The following C2CD3 variants were observed in gnomAD, a reference collection of about 807,000 sequenced individuals.
C2CD3 encodes the protein C2 domain containing 3 centriole elongation regulator, also known as C2 domain-containing protein 3.
In C2CD3, 148 loss-of-function variants were observed where a neutral mutation model predicts 234.0. The observed-to-expected ratio is 0.63, with a 90% confidence interval of 0.55 to 0.72. The LOEUF (loss-of-function observed/expected upper bound fraction) is 0.72. Ranked by LOEUF, C2CD3 falls within the 30% of genes least tolerant of loss-of-function variation. The pLI is 0.00. For missense variants in C2CD3, 2,577 were observed against 2,811.5 expected, an observed-to-expected ratio of 0.92 and a Z score of 1.89; for synonymous variants, 1,000 against 1,035.4, an observed-to-expected ratio of 0.97 and a Z score of 0.66.
chr11:74,097,126 G>A (rs1956140577), intron 16 of C2CD3, among the ~76,000 whole-genome samples: 2 of 149,944 alleles, frequency 1.3e-5, no homozygotes, highest in South Asian at 4.2e-4. Flanking sequence ...TCCAGCCTGG[G>A]CAACAGAGCA....
At chr11:74,151,320 T>C (rs78830531) in intron 3 of C2CD3, among the ~76,000 whole-genome samples, 6 of 107,300 alleles carry the variant, frequency 5.6e-5, no homozygotes, top group Admixed American at 1.6e-4. Flanking sequence ...TTTATTTATT[T>C]ATTTATTTAT....
intron 23 of C2CD3, among the ~76,000 whole-genome samples, chr11:74,075,893 A>G (rs1955015811): frequency 1.3e-5 from 2 of 152,248 alleles, no homozygotes; most frequent in African/African-American, 4.8e-5. Context: ...TGCCTTGTAT[A>G]AGACCCTTGC....
intron 26 of C2CD3, 56 bp from the exon 27 acceptor site, chr11:74,049,598 A>AT: frequency 7.2e-7 from 1 of 1,380,064 alleles, no homozygotes; most frequent in African/African-American, 1.4e-5. Context: ...TGCCACTGAG[A>AT]TTAGAGGGTG....
At chr11:74,116,813 C>T (rs1206875705) in intron 9 of C2CD3, among the ~76,000 whole-genome samples, 1 of 130,968 alleles carries the variant, frequency 7.6e-6, no homozygotes, top group Non-Finnish European at 1.6e-5. Flanking sequence ...TATATATATA[C>T]ACACACATAT....
chr11:74,152,298 C>T (rs1229887180), intron 3 of C2CD3, among the ~76,000 whole-genome samples: 1 of 152,156 alleles, frequency 6.6e-6, no homozygotes, highest in African/African-American at 2.4e-5. Flanking sequence ...TCAACAACTT[C>T]AATGAAATGG....
chr11:74,033,265 C>T (rs1052944507), intron 31 of C2CD3, 86 bp downstream of exon 31: 5 of 1,131,902 alleles, frequency 4.4e-6, no homozygotes, highest in African/African-American at 1.6e-5. Flanking sequence ...TAGTGCATTC[C>T]ATGAGGGTGG....
intron 2 of C2CD3, among the ~76,000 whole-genome samples, chr11:74,167,480 A>T (rs564591016): frequency 5.3e-5 from 8 of 152,224 alleles, no homozygotes; most frequent in Non-Finnish European, 1.0e-4. Context: ...TATGTGCTAA[A>T]CATATTTTTT....
At position 74,074,450 on chromosome 11, in the gene C2CD3, A is replaced by G. The variant is rs748427604; in HGVS notation, c.4754T>C (p.Leu1585Pro). The G allele has an allele frequency of 8.7e-6, 14 of 1,614,162 alleles. No homozygotes were observed. In the South Asian group the frequency reaches 1.5e-4, roughly 18 times the overall value. The change falls in exon 24 of 33, where the codon CTC becomes CCC. Residue 1585 changes from leucine to proline, a missense_variant. By Grantham distance (98) the Leu-to-Pro change is moderately conservative. Transcript: ENST00000334126. ...CTGGACCTCATCATTCCTTCTGGGGAGCTGCTCAGACTCACTGTGGCTGCT... is the reference window on the plus strand; with the variant it reads ...CTGGACCTCATCATTCCTTCTGGGGGGCTGCTCAGACTCACTGTGGCTGCT... ...DCSSHSESEQ[L>P]PRRNDEVQLS... is the part of the protein sequence containing the mutation.
chr11:74,103,792 T>C (rs1956412303), intron 13 of C2CD3, among the ~76,000 whole-genome samples, 167 bp from the exon 14 acceptor site: 1 of 152,148 alleles, frequency 6.6e-6, no homozygotes, highest in Non-Finnish European at 1.5e-5. Flanking sequence ...CTTGCTAGAC[T>C]AAGAAAAACT....
chr11:74,057,516 C>T lies in C2CD3; in HGVS notation c.4980G>A (p.Ser1660=), dbSNP rs756500070. 14 of 1,613,952 alleles carry T rather than the reference C, an allele frequency of 8.7e-6. No homozygotes were observed. In the East Asian group the frequency reaches 8.9e-5, roughly 10 times the overall value. The change falls in exon 25 of 33, where the codon TCG becomes TCA. Residue 1660 remains serine (S), a synonymous_variant. Transcript: ENST00000334126. ...KGSPLTERKV[S]IPSCCVSFAT... is the part of the protein sequence containing the mutation. ...CAAAGGATACACAACAACTGGGTAT[C>T]GATACTTTCCGCTCTGTCAAGGGGC...
chr11:74,091,846 G>A (rs1438813719), intron 19 of C2CD3, among the ~76,000 whole-genome samples: 1 of 152,046 alleles, frequency 6.6e-6, no homozygotes, highest in Non-Finnish European at 1.5e-5. Flanking sequence ...AGACTCCATG[G>A]AGCTATGAGT....
intron 1 of C2CD3, among the ~76,000 whole-genome samples, 163 bp from the exon 2 acceptor site, chr11:74,168,776 G>T (rs989482150): frequency 1.3e-5 from 2 of 152,176 alleles, no homozygotes; most frequent in Non-Finnish European, 1.5e-5. Context: ...TAATACATGA[G>T]AAGTAACTAT....
At chr11:74,151,517 G>C (rs554133613) in intron 3 of C2CD3, among the ~76,000 whole-genome samples, 31 of 151,704 alleles carry the variant, frequency 2.0e-4, no homozygotes, top group African/African-American at 7.5e-4. Context: ...TGTAGAGATG[G>C]AGTTTTGCCA....
At chr11:74,094,855 G>A (rs970615597) in intron 17 of C2CD3, among the ~76,000 whole-genome samples, 1 of 152,110 alleles carries the variant, frequency 6.6e-6, no homozygotes, top group African/African-American at 2.4e-5. Flanking sequence ...CCTTAATTCA[G>A]CGTTCATGGT....
chr11:74,100,430 TG>T, intron 15 of C2CD3, 94 bp downstream of exon 15: 1 of 1,159,812 alleles, frequency 8.6e-7, no homozygotes, highest in Non-Finnish European at 1.2e-6. Context: ...AAGGGATTAC[TG>T]GGCTATTCAT....
At chr11:74,148,934 T>G (rs1855402689) in intron 3 of C2CD3, among the ~76,000 whole-genome samples, 1 of 150,810 alleles carries the variant, frequency 6.6e-6, no homozygotes, top group Non-Finnish European at 1.5e-5. Flanking sequence ...TCAAAATTAA[T>G]ATAACACATG....
At chr11:74,070,248 T>C (rs952710340) in intron 24 of C2CD3, among the ~76,000 whole-genome samples, 4 of 152,228 alleles carry the variant, frequency 2.6e-5, no homozygotes, top group Non-Finnish European at 5.9e-5. Context: ...TCCAAGAAGT[T>C]CTTTTATTTT....
At chr11:74,087,681 T>G (rs1441978013) in intron 20 of C2CD3, among the ~76,000 whole-genome samples, 1 of 152,210 alleles carries the variant, frequency 6.6e-6, no homozygotes, top group Non-Finnish European at 1.5e-5. Context: ...TAGGGAACTT[T>G]CAGAGATGGC....
intron 7 of C2CD3, among the ~76,000 whole-genome samples, chr11:74,126,535 G>A (rs1316368862): frequency 6.6e-6 from 1 of 152,146 alleles, no homozygotes; most frequent in African/African-American, 2.4e-5. Flanking sequence ...TTGAGGTCAG[G>A]AGTTCAAGAC....
Sources: allele counts gnomAD v4.1 joint callset (sites outside exome capture counted in the v4.1 genomes callset), GRCh38; gene constraint gnomAD v4.1.1; transcripts MANE v1.5; gene names NCBI Gene and HGNC (gene_info 2026-07-23, HGNC 2026-07-21).